AFF1: variants seen among roughly 807,000 people sequenced by gnomAD.
AFF1 encodes the protein ALF transcription elongation factor 1, also known as AF4/FMR2 family member 1.
A neutral mutation model predicts 121.7 loss-of-function variants in AFF1; 48 were observed. The ratio of observed to expected loss-of-function variants is 0.39; its 90% confidence interval spans 0.31 to 0.50. AFF1 has a LOEUF of 0.50. Among genes scored for constraint, AFF1 ranks in the 20% least tolerant of loss-of-function variants. The probability of loss-of-function intolerance (pLI) is 0.76; values close to 1 mark genes in which losing one functional copy is unlikely to be tolerated. For missense variants in AFF1, 1,523 were observed against 1,511.7 expected (o/e 1.01, Z -0.12); for synonymous variants, 613 against 563.0 (o/e 1.09, Z -1.26).
intron 2 of AFF1, among the ~76,000 whole-genome samples, chr4:86,952,472 TATC>T (rs1277054561): frequency 4.6e-5 from 7 of 152,194 alleles, no homozygotes; most frequent in Non-Finnish European, 1.0e-4. Flanking sequence ...GTAAAAGTAT[TATC>T]ATTGGCATGA....
chr4:87,094,050 C>G (rs1724581736), intron 7 of AFF1, among the ~76,000 whole-genome samples: 2 of 152,084 alleles, frequency 1.3e-5, no homozygotes, highest in Admixed American at 6.6e-5. Context: ...CTTCAGAGCC[C>G]TCTGAAATCT....
At chr4:87,001,158 A>G (rs778996654) in intron 2 of AFF1, among the ~76,000 whole-genome samples, 8 of 129,682 alleles carry the variant, frequency 6.2e-5, no homozygotes, top group Admixed American at 1.6e-4. Flanking sequence ...GTAATGCACC[A>G]TTTTAATATT....
chr4:87,119,836 C>T (rs1464015228), intron 12 of AFF1, among the ~76,000 whole-genome samples: 1 of 152,188 alleles, frequency 6.6e-6, no homozygotes, highest in African/African-American at 2.4e-5. Context: ...CCAGTGCTAT[C>T]ATTTATGCGT....
At chr4:86,946,374 T>C (rs1720860102) in intron 1 of AFF1, among the ~76,000 whole-genome samples, 8 of 152,164 alleles carry the variant, frequency 5.3e-5, no homozygotes, top group Non-Finnish European at 1.5e-5. Context: ...TTTATGTTTT[T>C]TGAGGCAGGG....
At position 87,114,845 on chromosome 4, in the gene AFF1, C is replaced by A; in HGVS notation, c.2012C>A (p.Pro671His). 1 of 1,613,792 alleles carries A rather than the reference C, an allele frequency of 6.2e-7. No homozygotes were observed. Among genetic ancestry groups the A allele is most frequent in the Non-Finnish European group, 8.5e-7 (1 of 1,179,896 alleles). ...AGCAACGAACCCAAGCCAGCAGTGC[C>A]CCCCTCCAGTGAGAAGAAGAAGCAC... The part of the protein sequence containing the change: ...AASNEPKPAV[P>H]PSSEKKKHKS... Residue 671 changes from proline to histidine, a missense_variant, in exon 12 of 21, where the codon CCC becomes CAC. Around this residue, in one of 5 missense-constraint regions of AFF1, gnomAD observed 905 missense variants for 842.5 expected, o/e 1.07. Transcript: ENST00000395146.
chr4:86,952,838 G>A (rs1263542403), intron 2 of AFF1, among the ~76,000 whole-genome samples: 1 of 151,064 alleles, frequency 6.6e-6, no homozygotes, highest in Non-Finnish European at 1.5e-5. Context: ...CCACCACCAC[G>A]CCCGGCTACT....
intron 2 of AFF1, chr4:86,973,750 C>CT (rs1723101420): frequency 6.6e-6 from 1 of 151,816 alleles, no homozygotes; most frequent in Non-Finnish European, 1.5e-5. Context: ...TTTCTCTTTT[C>CT]CTTTCTTTTT....
At chr4:87,077,744 TTTAAAAA>T (rs1447566680) in intron 4 of AFF1, among the ~76,000 whole-genome samples, 1 of 152,218 alleles carries the variant, frequency 6.6e-6, no homozygotes. Context: ...TGCATCTTTT[TTTAAAAA>T]TTTATTCTTC....
intron 2 of AFF1, chr4:87,006,865 T>A (rs1472379076): frequency 4.0e-6 from 3 of 745,206 alleles, no homozygotes; most frequent in South Asian, 6.0e-5. Flanking sequence ...GCCTGCCGCT[T>A]GCCGCCTGCC....
chr4:87,107,459 G>T (rs1578262535), intron 10 of AFF1, among the ~76,000 whole-genome samples: 1 of 152,276 alleles, frequency 6.6e-6, no homozygotes, highest in East Asian at 1.9e-4. Flanking sequence ...ATTTGGGGAT[G>T]ATCCCTAAGC....
chr4:87,009,857 A>G (rs1156329742), intron 2 of AFF1, among the ~76,000 whole-genome samples: 1 of 152,208 alleles, frequency 6.6e-6, no homozygotes, highest in African/African-American at 2.4e-5. Context: ...GTACTACTAC[A>G]CATTAGTGTT....
chr4:87,065,244 G>A (rs1296068701), intron 4 of AFF1, among the ~76,000 whole-genome samples: 5 of 152,118 alleles, frequency 3.3e-5, no homozygotes, highest in African/African-American at 1.2e-4. Flanking sequence ...CGTGAGTGGC[G>A]GCAAAGAGAG....
intron 2 of AFF1, among the ~76,000 whole-genome samples, chr4:87,025,548 TCA>T (rs1728442842): frequency 6.6e-6 from 1 of 152,214 alleles, no homozygotes; most frequent in East Asian, 1.9e-4. Context: ...GGAATATTTC[TCA>T]TTCTCTACAG....
At chr4:86,964,147 T>C (rs1722362107) in intron 2 of AFF1, among the ~76,000 whole-genome samples, 1 of 142,840 alleles carries the variant, frequency 7.0e-6, no homozygotes, top group Non-Finnish European at 1.5e-5. Context: ...TTTTTTGAGA[T>C]GGAGTCTCGC....
intron 4 of AFF1, chr4:87,047,806 A>G (rs1452735756): frequency 1.4e-6 from 1 of 715,068 alleles, no homozygotes; most frequent in Non-Finnish European, 2.4e-6. Flanking sequence ...GTTTGCAGAA[A>G]GGTTTAGAGA....
At position 87,132,415 on chromosome 4, in the gene AFF1, C is replaced by G. The variant is rs1329001718; in HGVS notation, c.3311+7C>G. On this transcript the variant is annotated splice_region_variant and intron_variant, in intron 19 of 20. Transcript: ENST00000395146. ...CTTCTCCATGCATTGCAAGGTAACT[C>G]TAAGTCTAATATAAATAATTTCCAG... The G allele has an allele frequency of 1.6e-5, 26 of 1,600,064 alleles. No homozygotes were observed. Among genetic ancestry groups the G allele is most frequent in the Admixed American group, 3.6e-5 (2 of 56,160 alleles).
At chr4:87,061,213 C>G (rs1720753843) in intron 4 of AFF1, among the ~76,000 whole-genome samples, 1 of 152,156 alleles carries the variant, frequency 6.6e-6, no homozygotes, top group Non-Finnish European at 1.5e-5. Context: ...TATGCCCATC[C>G]GCTAAAGTAT....
chr4:86,950,188 A>G, intron 2 of AFF1: 1 of 1,399,884 alleles, frequency 7.1e-7, no homozygotes, highest in Non-Finnish European at 1.0e-6. Flanking sequence ...AGGTATTATT[A>G]TTTTTTTAAG....
At chr4:87,041,739 G>A (rs933806842) in intron 2 of AFF1, among the ~76,000 whole-genome samples, 3 of 151,870 alleles carry the variant, frequency 2.0e-5, no homozygotes, top group African/African-American at 7.2e-5. Flanking sequence ...TGACAGCTGG[G>A]CGTGGTGGCT....
Sources: allele counts gnomAD v4.1 joint callset (sites outside exome capture counted in the v4.1 genomes callset), GRCh38; gene constraint gnomAD v4.1.1; regional missense constraint gnomAD v4.1.1; transcripts MANE v1.5; gene names NCBI Gene and HGNC (gene_info 2026-07-23, HGNC 2026-07-21).